CACNA1B: variants seen among roughly 807,000 people sequenced by gnomAD.
The protein encoded by CACNA1B is voltage-dependent N-type calcium channel subunit alpha-1B.
Under a neutral mutation model 247.2 loss-of-function variants are expected in CACNA1B, and 70 were observed. The ratio of observed to expected loss-of-function variants is 0.28; its 90% CI spans 0.23 to 0.35. CACNA1B has a LOEUF of 0.35. CACNA1B is among the 10% of genes least tolerant of loss of function. CACNA1B has a pLI of 1.00. For synonymous variants in CACNA1B, 1,231 were observed against 1,294.4 expected (o/e 0.95, Z 1.05); for missense variants, 2,367 against 3,197.4 (o/e 0.74, Z 6.26).
In CACNA1B at chr9:138,076,421, C is replaced by T. The variant is rs570868541; in HGVS notation, c.4949+511C>T. 1.3e-3 allele frequency among the ~76,000 whole-genome samples: 197 copies of T among 152,312 alleles called. 7 individuals carry two copies. The South Asian group carries it at 0.036, about 28-fold the overall frequency. On this transcript the variant is annotated intron_variant, in intron 35 of 46. Coordinates refer to ENST00000371372, the MANE Select transcript of CACNA1B (RefSeq NM_000718.4). ...AAGGAACCCAACTGACCAGAACTGCCGATCTGAACACACCTTTATTTTCCA... is the reference window on the plus strand; with the variant it reads ...AAGGAACCCAACTGACCAGAACTGCTGATCTGAACACACCTTTATTTTCCA...
Position 137,952,411 on chromosome 9 carries a change from CT to C in CACNA1B, c.1070+35del. ...CCATGTGGGGGATGTGCAGGTGCCCCTCTGTGTTCTCAGCTGAGGGGTCAAC... is the reference window on the plus strand; with the variant it reads ...CCATGTGGGGGATGTGCAGGTGCCCCCTGTGTTCTCAGCTGAGGGGTCAAC... On this transcript the variant is annotated intron_variant, in intron 7 of 46. Transcript: ENST00000371372. This position sits in a 1 kb window ranked among gnomAD's most constrained non-coding sequence, Gnocchi z 4.8. 1 of 1,559,242 alleles carries C rather than the reference CT, an allele frequency of 6.4e-7. No homozygotes were observed. The highest frequency in any genetic ancestry group is 8.8e-7 in the Non-Finnish European group (1 of 1,130,482).
intron 20 of CACNA1B, among the ~76,000 whole-genome samples, chr9:138,025,991 A>G (rs552634469): frequency 5.3e-5 from 8 of 152,336 alleles, no homozygotes; most frequent in Non-Finnish European, 1.0e-4. Flanking sequence ...GACGGACTCA[A>G]TCAGGTGCCA....
intron 1 of CACNA1B, among the ~76,000 whole-genome samples, chr9:137,878,418 C>T (rs1956867036): frequency 6.6e-6 from 1 of 152,040 alleles, no homozygotes; most frequent in South Asian, 2.1e-4. Context: ...CGGGGCGGAG[C>T]CCCTCTGCTC....
chr9:138,090,617 G>A (rs548387804), intron 36 of CACNA1B, among the ~76,000 whole-genome samples: 1 of 138,548 alleles, frequency 7.2e-6, no homozygotes, highest in Non-Finnish European at 1.5e-5. Context: ...GTGACAACTT[G>A]CAGAATCAGA....
chr9:137,924,535 A>G (rs561429817), intron 6 of CACNA1B, among the ~76,000 whole-genome samples: 4 of 152,252 alleles, frequency 2.6e-5, no homozygotes, highest in East Asian at 3.9e-4. Context: ...CTCTCTGCCA[A>G]TACCACGTAG....
chr9:137,920,680 T>G (rs112557312), intron 6 of CACNA1B, among the ~76,000 whole-genome samples: 1 of 152,234 alleles, frequency 6.6e-6, no homozygotes, highest in Non-Finnish European at 1.5e-5. Context: ...TGTTGCTTTA[T>G]GATTATGCAC....
intron 39 of CACNA1B, among the ~76,000 whole-genome samples, chr9:138,110,013 C>T (rs1961567362): frequency 6.6e-6 from 1 of 151,964 alleles, no homozygotes; most frequent in Non-Finnish European, 1.5e-5. Context: ...AAGATAGTGC[C>T]ACTGTACTCC....
chr9:137,993,521 G>A (rs1233887774), intron 15 of CACNA1B, among the ~76,000 whole-genome samples: 1 of 151,938 alleles, frequency 6.6e-6, no homozygotes. Flanking sequence ...TATTACTACT[G>A]GTACCACAGA....
Position 138,121,728 on chromosome 9 carries a change from C to T in CACNA1B, c.6749C>T (p.Pro2250Leu), listed in dbSNP as rs202102427. 6.6e-5 allele frequency: 107 copies of T among 1,613,348 alleles called. No homozygotes were observed. The highest frequency in any genetic ancestry group is 4.9e-4 in the Middle Eastern group (3 of 6,084). The change falls in exon 47 of 47, where the codon CCT becomes CTT. Residue 2250 changes from proline to leucine, a missense_variant. Pro to Leu is a moderately conservative substitution (Grantham distance 98). Around this residue, in one of 12 missense-constraint regions of CACNA1B, gnomAD observed 773 missense variants for 779.4 expected, o/e 0.99. Coordinates refer to ENST00000371372, the MANE Select transcript of CACNA1B (RefSeq NM_000718.4). The surrounding 1 kb of genome is among the most constrained non-coding windows in gnomAD (Gnocchi z 6.8). ...GACCCCCTCAGCCAGCCCCTGGCCC[C>T]TGGCTCTCGAATTGGCTCTGACCCT... ...QRDPLSQPLA[P>L]GSRIGSDPYL...
At chr9:137,896,530 A>G (rs997350756) in intron 3 of CACNA1B, among the ~76,000 whole-genome samples, 3 of 152,182 alleles carry the variant, frequency 2.0e-5, no homozygotes, top group Non-Finnish European at 2.9e-5. Flanking sequence ...CTATTTGCCA[A>G]TATCTTGTTA....
At chr9:138,094,080 A>T (rs1960972511) in intron 36 of CACNA1B, among the ~76,000 whole-genome samples, 2 of 152,366 alleles carry the variant, frequency 1.3e-5, no homozygotes, top group East Asian at 1.9e-4. Flanking sequence ...GACTATAATT[A>T]TTCAGCCTTA....
At chr9:137,886,753 C>T (rs1278431143) in intron 3 of CACNA1B, among the ~76,000 whole-genome samples, 9 of 151,560 alleles carry the variant, frequency 5.9e-5, no homozygotes, top group African/African-American at 1.2e-4. Context: ...GCGGCATGGG[C>T]GTGCCCCAGA....
At chr9:137,922,335 C>T (rs1274448097) in intron 6 of CACNA1B, among the ~76,000 whole-genome samples, 1 of 151,382 alleles carries the variant, frequency 6.6e-6, no homozygotes. Flanking sequence ...ATCAGCACCG[C>T]GATCACACAG....
At chr9:137,906,140 C>T (rs1031309811) in intron 3 of CACNA1B, among the ~76,000 whole-genome samples, 1 of 152,260 alleles carries the variant, frequency 6.6e-6, no homozygotes, top group Middle Eastern at 3.4e-3. Flanking sequence ...AAATGTCCAG[C>T]CTGGGTCTAC....
At chr9:137,984,528 C>T (rs1467133075) in intron 13 of CACNA1B, among the ~76,000 whole-genome samples, 1 of 152,230 alleles carries the variant, frequency 6.6e-6, no homozygotes, top group Non-Finnish European at 1.5e-5. Flanking sequence ...CTTGAAACCA[C>T]CACCCCATCT....
chr9:137,971,508 G>A lies in CACNA1B; in HGVS notation c.1459G>A (p.Val487Met), dbSNP rs779150588. Reference protein sequence around the residue: ...RMVKAQSFYWVVLCVVALNTL... With the variant: ...RMVKAQSFYWMVLCVVALNTL... ...GGTGAAGGCTCAGAGCTTCTACTGG[G>A]TGGTGCTGTGCGTGGTGGCCCTGAA... Residue 487 changes from valine to methionine, a missense_variant, in exon 11 of 47, where the codon GTG (valine) becomes ATG (methionine). Around this residue, in one of 12 missense-constraint regions of CACNA1B, gnomAD observed 219 missense variants for 297.6 expected, o/e 0.74. Transcript: ENST00000371372. The surrounding 1 kb of genome is among the most constrained non-coding windows in gnomAD (Gnocchi z 4.4). 3.7e-6 allele frequency: 6 copies of A among 1,613,832 alleles called. No individual in the cohort carries two copies. Among genetic ancestry groups the A allele is most frequent in the Non-Finnish European group, 4.2e-6 (5 of 1,179,818 alleles).
rs774561006 is a variant in CACNA1B at position 138,115,677 on chromosome 9, C to T, written c.5775C>T (p.Ala1925=). The change falls in exon 42 of 47, where the codon GCC becomes GCT. Residue 1925 remains alanine, a splice_region_variant and synonymous_variant. Coordinates refer to ENST00000371372, the MANE Select transcript of CACNA1B (RefSeq NM_000718.4). ...CCACCTCCCTCAGCAATGGCGGGGC[C>T]ATGTGAGTATCCAGATGCAGGACAT... ...KSSTSLSNGG[A]IQNQESGIKE... 6.2e-7 allele frequency: 1 copy of T among 1,612,296 alleles called. No homozygotes were observed. The highest frequency in any genetic ancestry group is 8.5e-7 in the Non-Finnish European group (1 of 1,178,996).
In CACNA1B at chr9:138,037,675, A is replaced by C. The variant is rs140545490; in HGVS notation, c.3287-6099A>C. ...CTCTGTCTCAAAAAAAACAAACAAAAAAAAAAAGAGAGAAAAAATCCAGTT... is the reference window on the plus strand; with the variant it reads ...CTCTGTCTCAAAAAAAACAAACAAACAAAAAAAGAGAGAAAAAATCCAGTT... On this transcript the variant is annotated intron_variant, in intron 20 of 46. Coordinates refer to ENST00000371372, the MANE Select transcript of CACNA1B (RefSeq NM_000718.4). Among the ~76,000 whole-genome samples, 115 of 152,110 alleles carry C rather than the reference A, an allele frequency of 7.6e-4. 1 individual carries two copies. In the East Asian group the frequency reaches 0.019, roughly 25 times the overall value.
intron 6 of CACNA1B, among the ~76,000 whole-genome samples, chr9:137,939,535 C>T (rs775901182): frequency 1.3e-5 from 2 of 152,008 alleles, no homozygotes; most frequent in African/African-American, 2.4e-5. Context: ...TGTGGTGGCT[C>T]ACACCTGTAA....
Sources: gnomAD v4.1 joint callset for allele counts (sites outside exome capture counted in the v4.1 genomes callset) on GRCh38, gnomAD v4.1.1 for gene constraint, gnomAD v4.1.1 regional missense constraint, Gnocchi (gnomAD v3.1) non-coding constraint, MANE v1.5 for transcripts, NCBI Gene and HGNC (gene_info 2026-07-23, HGNC 2026-07-21) for gene names.